Variants in LRRC9 observed in about 807,000 individuals in gnomAD.
LRRC9 encodes leucine-rich repeat-containing protein 9.
A neutral mutation model predicts 63.2 loss-of-function variants in LRRC9; 122 were observed. That is an observed-to-expected ratio of 1.93 (90% CI 1.67 to 2.24). LRRC9 has a LOEUF of 2.24. Among genes scored for constraint, LRRC9 ranks in the 30% most tolerant of loss-of-function variants. The pLI is 0.00. For synonymous variants in LRRC9, 366 were observed against 213.1 expected, an observed-to-expected ratio of 1.72 and a Z score of -6.25; for missense variants, 1,071 against 627.7, an observed-to-expected ratio of 1.71 and a Z score of -7.55.
At chr14:59,921,546 G>A (rs149913200) in intron 1 of LRRC9, among the ~76,000 whole-genome samples, 69 of 152,232 alleles carry the variant, frequency 4.5e-4, no homozygotes, top group Middle Eastern at 6.8e-3. Flanking sequence ...TCAAAGATTG[G>A]TTGAGGATAA....
chr14:59,947,076 C>T (rs1387800783), intron 8 of LRRC9, among the ~76,000 whole-genome samples: 13 of 148,430 alleles, frequency 8.8e-5, no homozygotes, highest in East Asian at 8.1e-4. Context: ...CCTGAGGAAT[C>T]GCCACACTGA....
At chr14:60,013,791 T>C (rs1476077660) in intron 23 of LRRC9, among the ~76,000 whole-genome samples, 1 of 152,180 alleles carries the variant, frequency 6.6e-6, no homozygotes, top group Admixed American at 6.6e-5. Context: ...AACCTGCATA[T>C]ATTATTATAT....
rs1894039140 is a variant in LRRC9 at position 60,053,403 on chromosome 14, A to T, written c.4131+198A>T. Among the ~76,000 whole-genome samples the T allele has an allele frequency of 1.3e-5, 1 of 76,970 alleles. No homozygotes were observed. The highest frequency in any genetic ancestry group is 3.7e-5 in the Non-Finnish European group (1 of 27,162). The allele number at this position is 76,970 out of a possible 152,430, so 50.5% of individuals were successfully genotyped here. A position where few individuals can be genotyped will look rare whatever the true frequency, so the allele number is the denominator to read the frequency against. ...CGTGCTCACACACACACACACACAC[A>T]CACACACACACACACACATATATAT... On this transcript the variant is annotated intron_variant, in intron 30 of 31. Coordinates refer to ENST00000445360, the Ensembl canonical transcript of LRRC9. This position sits in a 1 kb window ranked among gnomAD's most constrained non-coding sequence, Gnocchi z 4.8.
chr14:59,967,166 C>A, exon 12 of LRRC9: 2 of 643,468 alleles, frequency 3.1e-6, no homozygotes, highest in South Asian at 1.7e-5. Flanking sequence ...GAAAAAGCAT[C>A]TTCTACAAAT....
chr14:59,973,225 G>T (rs1280377134), intron 12 of LRRC9, among the ~76,000 whole-genome samples: 1 of 151,964 alleles, frequency 6.6e-6, no homozygotes, highest in Non-Finnish European at 1.5e-5. Context: ...AATCCCTTCA[G>T]TTAAAAAGTA....
chr14:59,934,610 A>G (rs1056818795), intron 6 of LRRC9, among the ~76,000 whole-genome samples: 1 of 152,216 alleles, frequency 6.6e-6, no homozygotes, highest in Non-Finnish European at 1.5e-5. Flanking sequence ...GGATGGTAAC[A>G]GTTGTGACAG....
rs1884919172 is a variant in LRRC9, at chr14:59,966,903, G to A, written c.1388+138G>A. ...TGTTTCCTTTTTATGCATCTCCCAT[G>A]GCCAGGATGACCTCATAATTTATCC... On this transcript the variant is annotated intron_variant, in intron 11 of 31. Coordinates refer to ENST00000445360, the Ensembl canonical transcript of LRRC9. The surrounding 1 kb of genome is among the most constrained non-coding windows in gnomAD (Gnocchi z 4.0). The A allele has an allele frequency of 1.8e-6, 1 of 557,760 alleles. No homozygotes were observed. The highest frequency in any genetic ancestry group is 1.9e-5 in the African/African-American group (1 of 53,436). The allele number at this position is 557,760 out of a possible 1,614,324, so 34.6% of individuals were successfully genotyped here.
At chr14:59,935,604 A>G (rs1250753443) in intron 6 of LRRC9, among the ~76,000 whole-genome samples, 1 of 152,230 alleles carries the variant, frequency 6.6e-6, no homozygotes, top group African/African-American at 2.4e-5. Flanking sequence ...GAGATCAGAG[A>G]GAGCTATGAA....
intron 12 of LRRC9, among the ~76,000 whole-genome samples, chr14:59,970,995 C>T (rs1269092404): frequency 6.6e-6 from 1 of 152,026 alleles, no homozygotes; most frequent in Non-Finnish European, 1.5e-5. Context: ...GTAGTATTTG[C>T]CCATTCCTAC....
exon 18 of LRRC9, chr14:59,997,716 G>A (rs1011577375): frequency 2.8e-6 from 2 of 702,392 alleles, no homozygotes; most frequent in African/African-American, 3.5e-5. Context: ...GGGATTTAGA[G>A]GTCTGATGAA....
chr14:60,047,574 A>G (rs2140412578), intron 29 of LRRC9, among the ~76,000 whole-genome samples: 1 of 152,334 alleles, frequency 6.6e-6, no homozygotes, highest in East Asian at 1.9e-4. Context: ...CATAATGGTA[A>G]ATGTTTCAAT....
chr14:60,047,311 G>A (rs1893517671), intron 29 of LRRC9, among the ~76,000 whole-genome samples: 1 of 152,070 alleles, frequency 6.6e-6, no homozygotes, highest in Non-Finnish European at 1.5e-5. Flanking sequence ...TAGGTGTGGT[G>A]AGAGACTGAA....
intron 1 of LRRC9, among the ~76,000 whole-genome samples, chr14:59,924,023 G>A (rs981337109): frequency 7.2e-5 from 11 of 152,144 alleles, no homozygotes; most frequent in Non-Finnish European, 1.6e-4. Flanking sequence ...AGACTAGAAA[G>A]TCCAAAATTA....
At chr14:60,008,113 C>G in exon 23 of LRRC9, 1 of 699,412 alleles carries the variant, frequency 1.4e-6, no homozygotes, top group Non-Finnish European at 2.6e-6. Context: ...CTTGGTCATT[C>G]TAGACATGTG....
chr14:59,962,571 T>G lies in LRRC9; in HGVS notation c.1211+1526T>G, dbSNP rs146306798. ...GGTGCATGCCACCACACCCACTAAT[T>G]TTTGTATTTTTAGTGGAGACGGGGT... On this transcript the variant is annotated intron_variant, in intron 10 of 31. Coordinates refer to ENST00000445360, the Ensembl canonical transcript of LRRC9. The surrounding 1 kb of genome is among the most constrained non-coding windows in gnomAD (Gnocchi z 5.1). Among the ~76,000 whole-genome samples the G allele has an allele frequency of 1.3e-5, 2 of 152,120 alleles. No homozygotes were observed. The highest frequency in any genetic ancestry group is 1.9e-4 in the East Asian group (1 of 5,166).
chr14:59,989,438 T>A (rs963608488), intron 17 of LRRC9, among the ~76,000 whole-genome samples: 2 of 152,174 alleles, frequency 1.3e-5, no homozygotes, highest in African/African-American at 2.4e-5. Context: ...CTCTTGGATA[T>A]GACTAATTTA....
At chr14:59,988,689 T>C (rs539852762) in intron 17 of LRRC9, among the ~76,000 whole-genome samples, 1 of 152,234 alleles carries the variant, frequency 6.6e-6, no homozygotes, top group East Asian at 1.9e-4. Flanking sequence ...ATACTATAAC[T>C]ATATTGTCAC....
chr14:60,033,589 A>G lies in LRRC9; in HGVS notation c.3990+1526A>G, dbSNP rs76116717. ...TAAATTACGTTAATAGACTAGTGTT[A>G]AACCATCTTGAAATTCCTGGGATGA... On this transcript the variant is annotated intron_variant, in intron 29 of 31. Transcript: ENST00000445360. Among the ~76,000 whole-genome samples the G allele has an allele frequency of 3.4e-3, 518 of 152,198 alleles. 18 individuals are homozygous for G. The East Asian group carries it at 0.058, about 17-fold the overall frequency.
chr14:60,033,244 T>G (rs1892139800), intron 29 of LRRC9, among the ~76,000 whole-genome samples: 1 of 152,158 alleles, frequency 6.6e-6, no homozygotes, highest in Non-Finnish European at 1.5e-5. Context: ...ATTTTCTGTA[T>G]AGATTATTAT....
Sources: allele counts gnomAD v4.1 joint callset (sites outside exome capture counted in the v4.1 genomes callset), GRCh38; gene constraint gnomAD v4.1.1; non-coding constraint Gnocchi (gnomAD v3.1); transcripts MANE v1.5; gene names NCBI Gene and HGNC (gene_info 2026-07-23, HGNC 2026-07-21).